Variants in TENM3 observed in about 807,000 individuals in gnomAD.
The protein encoded by TENM3 is teneurin-3.
In TENM3, 63 loss-of-function variants were observed where a neutral mutation model predicts 255.1. That is an observed-to-expected ratio of 0.25 (90% CI 0.20 to 0.30). The LOEUF is 0.30. TENM3 is among the 10% of genes least tolerant of loss of function. The probability of loss-of-function intolerance (pLI) is 1.00; values close to 1 mark genes in which losing one functional copy is unlikely to be tolerated. For missense variants in TENM3, 2,929 were observed against 3,461.1 expected, an observed-to-expected ratio of 0.85 and a Z score of 3.86; for synonymous variants, 1,306 against 1,322.3, an observed-to-expected ratio of 0.99 and a Z score of 0.27.
At chr4:182,446,283 T>C (rs992260808) in intron 3 of TENM3, among the ~76,000 whole-genome samples, 1 of 152,248 alleles carries the variant, frequency 6.6e-6, no homozygotes, top group African/African-American at 2.4e-5. Flanking sequence ...TAGATATACA[T>C]GTAGAATACT....
At chr4:182,262,889 A>G (rs924904067) in intron 1 of TENM3, among the ~76,000 whole-genome samples, 2 of 151,776 alleles carry the variant, frequency 1.3e-5, no homozygotes, top group African/African-American at 2.4e-5. Context: ...AATTGTTTGT[A>G]TTTTTAGTAG....
At chr4:182,678,146 C>G (rs1308038835) in intron 7 of TENM3, among the ~76,000 whole-genome samples, 1 of 152,144 alleles carries the variant, frequency 6.6e-6, no homozygotes, top group Non-Finnish European at 1.5e-5. Flanking sequence ...CTACTTTTAA[C>G]AATTGTAATC....
chr4:181,833,206 T>G, the TENM3 span, among the ~76,000 whole-genome samples: 1 of 152,068 alleles, frequency 6.6e-6, no homozygotes. Context: ...CTATCAGAGA[T>G]CACTGGCGCT....
intron 3 of TENM3, among the ~76,000 whole-genome samples, chr4:182,472,548 A>G (rs994300471): frequency 1.3e-5 from 2 of 152,222 alleles, no homozygotes; most frequent in Admixed American, 6.5e-5. Flanking sequence ...TGCCTCTTAC[A>G]TAGTGATCTT....
the TENM3 span, among the ~76,000 whole-genome samples, chr4:181,468,497 A>AGT: frequency 6.6e-6 from 1 of 152,224 alleles, no homozygotes; most frequent in Non-Finnish European, 1.5e-5. Flanking sequence ...TAGGAATTCC[A>AGT]GTCAATTGAA....
chr4:182,246,661 T>C (rs1757673087), intron 1 of TENM3, among the ~76,000 whole-genome samples: 1 of 152,204 alleles, frequency 6.6e-6, no homozygotes, highest in Admixed American at 6.5e-5. Context: ...GGGCTATGTC[T>C]GCCAGAAAAG....
intron 2 of TENM3, among the ~76,000 whole-genome samples, chr4:182,329,987 A>G (rs1477779457): frequency 6.6e-6 from 1 of 152,152 alleles, no homozygotes; most frequent in Non-Finnish European, 1.5e-5. Context: ...TTTACTTACT[A>G]AAAATAAATA....
intron 3 of TENM3, among the ~76,000 whole-genome samples, chr4:182,487,274 G>A (rs1328867121): frequency 6.6e-6 from 1 of 152,174 alleles, no homozygotes; most frequent in Non-Finnish European, 1.5e-5. Flanking sequence ...AGCCCGGGAT[G>A]AAGTGTGAAA....
the TENM3 span, among the ~76,000 whole-genome samples, chr4:181,884,595 G>A: frequency 6.6e-6 from 1 of 152,232 alleles, no homozygotes; most frequent in Non-Finnish European, 1.5e-5. Flanking sequence ...ACAGCATAAT[G>A]TTTTCAGGTT....
the TENM3 span, among the ~76,000 whole-genome samples, chr4:181,480,796 G>A: frequency 6.7e-6 from 1 of 148,684 alleles, no homozygotes; most frequent in Non-Finnish European, 1.5e-5. Context: ...TAATATAGAT[G>A]TATTGATATA....
intron 3 of TENM3, among the ~76,000 whole-genome samples, chr4:182,539,340 G>A (rs1188444616): frequency 6.6e-6 from 1 of 151,992 alleles, no homozygotes; most frequent in African/African-American, 2.4e-5. Context: ...TTTACGTGGA[G>A]AATACTGATG....
At chr4:182,045,756 C>T in the TENM3 span, among the ~76,000 whole-genome samples, 1 of 152,208 alleles carries the variant, frequency 6.6e-6, no homozygotes, top group Admixed American at 6.5e-5. Flanking sequence ...ACCTCACAGA[C>T]TTAAAACCTA....
the TENM3 span, among the ~76,000 whole-genome samples, chr4:181,665,682 G>A: frequency 6.6e-6 from 1 of 151,672 alleles, no homozygotes; most frequent in Admixed American, 6.6e-5. Flanking sequence ...ACACATATAT[G>A]TATATATACA....
chr4:181,738,666 T>C, the TENM3 span, among the ~76,000 whole-genome samples: 1 of 151,920 alleles, frequency 6.6e-6, no homozygotes, highest in Non-Finnish European at 1.5e-5. Flanking sequence ...TATTTGCTTT[T>C]TTTCTGGCTA....
the TENM3 span, among the ~76,000 whole-genome samples, chr4:182,010,789 G>T: frequency 2.5e-4 from 38 of 152,242 alleles, no homozygotes; most frequent in African/African-American, 8.9e-4. Flanking sequence ...AGTTTCCTTA[G>T]CAAGGTCCTA....
At chr4:182,565,952 C>G (rs1278556763) in intron 3 of TENM3, among the ~76,000 whole-genome samples, 1 of 152,162 alleles carries the variant, frequency 6.6e-6, no homozygotes, top group Non-Finnish European at 1.5e-5. Context: ...CCTAGATCCA[C>G]CACTCTGATC....
chr4:181,560,370 G>A, the TENM3 span, among the ~76,000 whole-genome samples: 1 of 152,164 alleles, frequency 6.6e-6, no homozygotes, highest in Admixed American at 6.5e-5. Context: ...TAGGGGGTGT[G>A]GGGACACAAA....
At chr4:181,536,771 A>C in the TENM3 span, among the ~76,000 whole-genome samples, 1 of 152,256 alleles carries the variant, frequency 6.6e-6, no homozygotes, top group South Asian at 2.1e-4. Context: ...TCTAGTGTGC[A>C]GAATTATTCA....
the TENM3 span, among the ~76,000 whole-genome samples, chr4:181,817,524 T>A: frequency 6.6e-6 from 1 of 152,218 alleles, no homozygotes; most frequent in Non-Finnish European, 1.5e-5. Flanking sequence ...ACTCAAGGGC[T>A]GCTATAGTCA....
Sources: allele counts gnomAD v4.1 joint callset (sites outside exome capture counted in the v4.1 genomes callset), GRCh38; gene constraint gnomAD v4.1.1; transcripts MANE v1.5; gene names NCBI Gene and HGNC (gene_info 2026-07-23, HGNC 2026-07-21).